The following ITGBL1 variants were observed in gnomAD, a reference collection of about 807,000 sequenced individuals.
ITGBL1 encodes the protein integrin subunit beta like 1.
In ITGBL1, 51 loss-of-function variants were observed where a neutral mutation model predicts 68.5. The observed-to-expected ratio is 0.74, with a 90% confidence interval of 0.59 to 0.94. The LOEUF (loss-of-function observed/expected upper bound fraction) is 0.94, where lower values mean the gene tolerates loss of function less well. ITGBL1 is among the 40% of genes least tolerant of loss of function. The probability of loss-of-function intolerance (pLI) is 0.00; values close to 1 mark genes in which losing one functional copy is unlikely to be tolerated. For missense variants in ITGBL1, 649 were observed against 647.4 expected (o/e 1.00, Z -0.03); for synonymous variants, 209 against 227.3 (o/e 0.92, Z 0.72).
intron 7 of ITGBL1, among the ~76,000 whole-genome samples, chr13:101,606,077 T>C (rs996507864): frequency 1.6e-5 from 2 of 123,342 alleles, no homozygotes; most frequent in Admixed American, 8.4e-5. Flanking sequence ...GTGATATATA[T>C]ATATGCTATA....
intron 2 of ITGBL1, among the ~76,000 whole-genome samples, chr13:101,517,712 A>T (rs1486577053): frequency 6.6e-6 from 1 of 152,202 alleles, no homozygotes. Context: ...CAAATTCTGT[A>T]ATTCAGCCAG....
chr13:101,494,645 A>G (rs1281920256), intron 2 of ITGBL1, among the ~76,000 whole-genome samples: 2 of 152,214 alleles, frequency 1.3e-5, no homozygotes, highest in Non-Finnish European at 2.9e-5. Flanking sequence ...CAAATTGTGT[A>G]TCCAATAATA....
At chr13:101,476,984 A>G (rs554639479) in intron 2 of ITGBL1, among the ~76,000 whole-genome samples, 1 of 152,298 alleles carries the variant, frequency 6.6e-6, no homozygotes, top group Non-Finnish European at 1.5e-5. Context: ...AATCTGCACT[A>G]CAGACCAATT....
At chr13:101,594,984 G>C (rs1225546167) in intron 6 of ITGBL1, among the ~76,000 whole-genome samples, 1 of 152,208 alleles carries the variant, frequency 6.6e-6, no homozygotes, top group Non-Finnish European at 1.5e-5. Context: ...TAAGACATGA[G>C]AATCACTTGA....
At chr13:101,614,583 A>G (rs935400294) in intron 7 of ITGBL1, among the ~76,000 whole-genome samples, 2 of 152,170 alleles carry the variant, frequency 1.3e-5, no homozygotes. Flanking sequence ...ATCTGTTCCC[A>G]GCCCAGCCTT....
downstream of ITGBL1, chr13:101,720,809 G>T (rs983923846): frequency 1.3e-5 from 2 of 152,038 alleles, no homozygotes; most frequent in Non-Finnish European, 2.9e-5. Context: ...CATTTTGTTT[G>T]TTAGATTTGT....
At chr13:101,507,890 G>A (rs146113082) in intron 2 of ITGBL1, among the ~76,000 whole-genome samples, 87 of 152,240 alleles carry the variant, frequency 5.7e-4, no homozygotes, top group Middle Eastern at 3.4e-3. Context: ...GGCATTGCTC[G>A]CAAGGGAGTA....
chr13:101,564,259 A>G (rs1026020728), intron 2 of ITGBL1, among the ~76,000 whole-genome samples: 1 of 151,964 alleles, frequency 6.6e-6, no homozygotes, highest in Admixed American at 6.6e-5. Context: ...AATTAGGGTA[A>G]TCAAGACTGT....
chr13:101,592,239 C>A (rs1230213583), intron 6 of ITGBL1, among the ~76,000 whole-genome samples: 1 of 152,040 alleles, frequency 6.6e-6, no homozygotes, highest in East Asian at 1.9e-4. Flanking sequence ...GGCTAATCTT[C>A]AAGGATTGTA....
In ITGBL1 at chr13:101,458,043, A is replaced by G. The variant is rs1253888358; in HGVS notation, c.316+3943A>G. 7.2e-5 allele frequency among the ~76,000 whole-genome samples: 11 copies of G among 152,340 alleles called. No homozygotes were observed. The East Asian group carries it at 2.1e-3, about 29-fold the overall frequency. On this transcript the variant is annotated intron_variant, in intron 2 of 10. Coordinates refer to ENST00000376180, the MANE Select transcript of ITGBL1 (RefSeq NM_004791.3). ...AGAGCTAATTGAATTCAATTTAGCAACACTTATGAAGCACTGCATATTTTC... is the reference window on the plus strand; with the variant it reads ...AGAGCTAATTGAATTCAATTTAGCAGCACTTATGAAGCACTGCATATTTTC...
intron 7 of ITGBL1, among the ~76,000 whole-genome samples, chr13:101,637,907 A>T (rs1594945946): frequency 6.6e-6 from 1 of 152,334 alleles, no homozygotes; most frequent in Non-Finnish European, 1.5e-5. Flanking sequence ...TGAAAAACAA[A>T]TCTTCATTTA....
rs998924142 is a variant in ITGBL1, at chr13:101,648,598, G to A, written c.1016-43987G>A. 6.6e-5 allele frequency among the ~76,000 whole-genome samples: 10 copies of A among 152,090 alleles called. No individual in the cohort carries two copies. In the East Asian group the frequency reaches 1.9e-3, roughly 29 times the overall value. On this transcript the variant is annotated intron_variant, in intron 7 of 10. Coordinates refer to ENST00000376180, the MANE Select transcript of ITGBL1 (RefSeq NM_004791.3). Reference sequence around the variant, plus strand: ...AAATTATAAAAAGACATAACAAATGGAAGGGAAGAAATAAACTGTTATTGT... The same window carrying A: ...AAATTATAAAAAGACATAACAAATGAAAGGGAAGAAATAAACTGTTATTGT...
At chr13:101,454,165 T>A in intron 2 of ITGBL1, 65 bp downstream of exon 2, 1 of 1,254,190 alleles carries the variant, frequency 8.0e-7, no homozygotes. Flanking sequence ...TTTCTGCCAC[T>A]CCCTAGAAGA....
chr13:101,702,370 A>AATTG lies in ITGBL1; in HGVS notation c.1133-4381_1133-4378dup, dbSNP rs1348991234. On this transcript the variant is annotated intron_variant, in intron 8 of 10. Coordinates refer to ENST00000376180, the MANE Select transcript of ITGBL1 (RefSeq NM_004791.3). Reference sequence around the variant, plus strand: ...TTCCAGTTGTATTGATTTGTCATGGAATTGATTGTATTTCTTTTCTTATGA... The same window carrying AATTG: ...TTCCAGTTGTATTGATTTGTCATGGAATTGATTGATTGTATTTCTTTTCTTATGA... 3.3e-5 allele frequency among the ~76,000 whole-genome samples: 5 copies of AATTG among 152,004 alleles called. 1 individual carries two copies. The highest frequency in any genetic ancestry group is 7.4e-5 in the Non-Finnish European group (5 of 67,996).
intron 1 of ITGBL1, among the ~76,000 whole-genome samples, 189 bp downstream of exon 1, chr13:101,453,120 T>G (rs1251055052): frequency 6.6e-6 from 1 of 152,236 alleles, no homozygotes; most frequent in Non-Finnish European, 1.5e-5. Flanking sequence ...CCTTTTGCTT[T>G]TCCTTTGGAA....
At chr13:101,720,363 T>TAGAC (rs1360026039), downstream of ITGBL1, 1 of 152,186 alleles carries the variant, frequency 6.6e-6, no homozygotes, top group African/African-American at 2.4e-5. Context: ...AATGCCCTTA[T>TAGAC]AGACACCCCA....
At chr13:101,475,256 A>G (rs2048518719) in intron 2 of ITGBL1, among the ~76,000 whole-genome samples, 1 of 152,216 alleles carries the variant, frequency 6.6e-6, no homozygotes, top group African/African-American at 2.4e-5. Context: ...ATAATTAAAA[A>G]AAGCAGAAAT....
At chr13:101,624,403 C>A (rs779949133) in intron 7 of ITGBL1, among the ~76,000 whole-genome samples, 4 of 152,086 alleles carry the variant, frequency 2.6e-5, no homozygotes, top group Non-Finnish European at 5.9e-5. Flanking sequence ...TGCTCTGAGC[C>A]TTGAAGTGTT....
chr13:101,590,956 T>C (rs1566745494), intron 6 of ITGBL1, among the ~76,000 whole-genome samples: 3 of 152,246 alleles, frequency 2.0e-5, no homozygotes, highest in Admixed American at 6.5e-5. Flanking sequence ...CAGGCTGGCG[T>C]GCAGTGGCAC....
Sources: gnomAD v4.1 joint callset for allele counts (sites outside exome capture counted in the v4.1 genomes callset) on GRCh38, gnomAD v4.1.1 for gene constraint, MANE v1.5 for transcripts, NCBI Gene and HGNC (gene_info 2026-07-23, HGNC 2026-07-21) for gene names.